Variants in CA10 observed in about 807,000 individuals in gnomAD.
CA10 encodes the protein carbonic anhydrase 10 (inactive).
Under a neutral mutation model 44.2 loss-of-function variants are expected in CA10, and 14 were observed. The observed-to-expected ratio is 0.32, with a 90% CI of 0.21 to 0.50. CA10 has a LOEUF of 0.50. CA10 is among the 20% of genes least tolerant of loss of function. The pLI is 0.99. For synonymous variants in CA10, 159 were observed against 141.6 expected (o/e 1.12, Z -0.87); for missense variants, 350 against 409.7 (o/e 0.85, Z 1.26).
intron 3 of CA10, among the ~76,000 whole-genome samples, chr17:51,930,696 A>G (rs949145687): frequency 6.6e-6 from 1 of 152,170 alleles, no homozygotes; most frequent in African/African-American, 2.4e-5. Context: ...CCAGCATGAT[A>G]GGCAGGGGTG....
At chr17:51,923,885 G>A (rs1982325123) in intron 3 of CA10, among the ~76,000 whole-genome samples, 1 of 152,064 alleles carries the variant, frequency 6.6e-6, no homozygotes, top group Non-Finnish European at 1.5e-5. Context: ...TGGTAAGCAA[G>A]GGTACTCTTG....
At chr17:52,032,592 C>T (rs1242865771) in intron 2 of CA10, among the ~76,000 whole-genome samples, 1 of 152,154 alleles carries the variant, frequency 6.6e-6, no homozygotes, top group Non-Finnish European at 1.5e-5. Flanking sequence ...GCATTCTTTA[C>T]ACTTCTCTCT....
At chr17:52,039,732 A>T in intron 2 of CA10, among the ~76,000 whole-genome samples, 1 of 152,156 alleles carries the variant, frequency 6.6e-6, no homozygotes, top group Non-Finnish European at 1.5e-5. Context: ...TCATATGCTA[A>T]GTGTAAAAGT....
At chr17:52,000,939 C>A (rs1567915168) in intron 2 of CA10, among the ~76,000 whole-genome samples, 1 of 151,868 alleles carries the variant, frequency 6.6e-6, no homozygotes, top group Non-Finnish European at 1.5e-5. Context: ...TTCTAAGCCT[C>A]AGCTTATTAA....
chr17:52,053,993 G>A (rs112740772), intron 2 of CA10, among the ~76,000 whole-genome samples: 3,210 of 152,104 alleles, frequency 0.021, 105 homozygotes, highest in African/African-American at 0.071. Context: ...TGCATTAACT[G>A]CACAAATTGT....
At chr17:51,867,167 A>G (rs562153653) in intron 3 of CA10, among the ~76,000 whole-genome samples, 1 of 152,308 alleles carries the variant, frequency 6.6e-6, no homozygotes, top group South Asian at 2.1e-4. Context: ...GTAACTACAC[A>G]TTTATAACAC....
intron 2 of CA10, among the ~76,000 whole-genome samples, chr17:52,033,519 T>C (rs530979527): frequency 6.6e-6 from 1 of 152,304 alleles, no homozygotes; most frequent in African/African-American, 2.4e-5. Flanking sequence ...TTTCATGAAG[T>C]GCAGAATGGA....
chr17:51,825,557 C>T (rs1340166421), intron 3 of CA10, among the ~76,000 whole-genome samples: 2 of 152,200 alleles, frequency 1.3e-5, no homozygotes, highest in African/African-American at 4.8e-5. Flanking sequence ...ACGGACTTAA[C>T]CCAGTTAGTC....
At chr17:52,121,194 C>G (rs1023244587) in intron 1 of CA10, among the ~76,000 whole-genome samples, 2 of 152,196 alleles carry the variant, frequency 1.3e-5, no homozygotes, top group Admixed American at 6.5e-5. Flanking sequence ...ATCACCTCCT[C>G]TCTTGCAGAC....
intron 4 of CA10, among the ~76,000 whole-genome samples, chr17:51,741,741 A>G (rs1904469853): frequency 6.6e-6 from 1 of 152,234 alleles, no homozygotes; most frequent in African/African-American, 2.4e-5. Context: ...AAGGTCATTT[A>G]TTCCCTCATT....
chr17:51,907,537 C>T (rs999550560), intron 3 of CA10, among the ~76,000 whole-genome samples: 1 of 152,024 alleles, frequency 6.6e-6, no homozygotes, highest in Non-Finnish European at 1.5e-5. Context: ...GATCCCTCTT[C>T]GAGGCTGAAG....
intron 3 of CA10, among the ~76,000 whole-genome samples, chr17:51,779,776 C>T (rs1036955221): frequency 2.0e-5 from 3 of 152,154 alleles, no homozygotes; most frequent in African/African-American, 7.2e-5. Context: ...AGGTGAGGAA[C>T]CTGAAAATCT....
intron 5 of CA10, among the ~76,000 whole-genome samples, chr17:51,652,244 A>G (rs1262003021): frequency 6.6e-6 from 1 of 152,258 alleles, no homozygotes; most frequent in Middle Eastern, 3.2e-3. Flanking sequence ...GTAAGATACA[A>G]CACGAATGTT....
intron 1 of CA10, among the ~76,000 whole-genome samples, chr17:52,125,202 G>C (rs1270764181): frequency 1.3e-5 from 2 of 152,210 alleles, no homozygotes; most frequent in Non-Finnish European, 2.9e-5. Context: ...CTGCCTGAGT[G>C]CTTCCGCCAT....
intron 3 of CA10, among the ~76,000 whole-genome samples, chr17:51,849,412 T>C (rs1374246957): frequency 6.6e-6 from 1 of 151,600 alleles, no homozygotes; most frequent in East Asian, 1.9e-4. Flanking sequence ...ATAAGTAAGA[T>C]GGAGATGACA....
At chr17:51,792,255 C>A (rs1420842307) in intron 3 of CA10, among the ~76,000 whole-genome samples, 2 of 152,130 alleles carry the variant, frequency 1.3e-5, no homozygotes, top group Non-Finnish European at 2.9e-5. Flanking sequence ...AAATAGAGAC[C>A]AATTCTGTTT....
At chr17:51,656,526 G>A (rs1282702370) in intron 4 of CA10, among the ~76,000 whole-genome samples, 1 of 152,186 alleles carries the variant, frequency 6.6e-6, no homozygotes, top group Admixed American at 6.5e-5. Context: ...TATTGTGTTA[G>A]GTTGAACCAC....
chr17:51,723,979 G>A (rs891521241), intron 4 of CA10, among the ~76,000 whole-genome samples: 8 of 152,158 alleles, frequency 5.3e-5, no homozygotes, highest in Non-Finnish European at 1.2e-4. Flanking sequence ...CCCTTGCCCT[G>A]GGTTCTGGCT....
intron 6 of CA10, among the ~76,000 whole-genome samples, chr17:51,639,955 G>A (rs568210558): frequency 1.3e-4 from 20 of 152,308 alleles, no homozygotes; most frequent in African/African-American, 4.8e-4. Context: ...GTGTGGTCCA[G>A]GTTTGTCACA....
Sources: gnomAD v4.1 joint callset for allele counts (sites outside exome capture counted in the v4.1 genomes callset) on GRCh38, gnomAD v4.1.1 for gene constraint, MANE v1.5 for transcripts, NCBI Gene and HGNC (gene_info 2026-07-23, HGNC 2026-07-21) for gene names.